Variants in GPATCH2 observed in about 807,000 individuals in gnomAD.
The protein encoded by GPATCH2 is G patch domain-containing protein 2.
A neutral mutation model predicts 58.0 loss-of-function variants in GPATCH2; 51 were observed. That is an observed-to-expected ratio of 0.88 (90% CI 0.70 to 1.11). The LOEUF (loss-of-function observed/expected upper bound fraction) is 1.11. GPATCH2 is among the 50% of genes most tolerant of loss of function. The probability of loss-of-function intolerance (pLI) is 0.00; values close to 1 mark genes in which losing one functional copy is unlikely to be tolerated. For synonymous variants in GPATCH2, 222 were observed against 218.5 expected (o/e 1.02, Z -0.14); for missense variants, 625 against 652.2 (o/e 0.96, Z 0.45).
chr1:217,605,355 G>A (rs1485027951), intron 5 of GPATCH2, among the ~76,000 whole-genome samples: 1 of 152,124 alleles, frequency 6.6e-6, no homozygotes, highest in Non-Finnish European at 1.5e-5. Context: ...AAGAGCTAAT[G>A]TTCACATTTT....
intron 5 of GPATCH2, among the ~76,000 whole-genome samples, chr1:217,575,159 A>C (rs1337739105): frequency 6.6e-6 from 1 of 152,198 alleles, no homozygotes; most frequent in Non-Finnish European, 1.5e-5. Flanking sequence ...GTCTTGCCTA[A>C]AGTCACAATG....
intron 5 of GPATCH2, among the ~76,000 whole-genome samples, chr1:217,533,299 C>G (rs910535989): frequency 2.6e-5 from 4 of 152,192 alleles, no homozygotes; most frequent in African/African-American, 9.6e-5. Context: ...CGGATTATAT[C>G]TATTGATATT....
chr1:217,569,105 A>G (rs909102834), intron 5 of GPATCH2, among the ~76,000 whole-genome samples: 2 of 152,052 alleles, frequency 1.3e-5, no homozygotes, highest in Non-Finnish European at 2.9e-5. Flanking sequence ...CTAAAAAGAC[A>G]ATAGTGATAT....
At chr1:217,486,370 G>A (rs1661453757) in intron 8 of GPATCH2, among the ~76,000 whole-genome samples, 1 of 151,942 alleles carries the variant, frequency 6.6e-6, no homozygotes, top group Non-Finnish European at 1.5e-5. Flanking sequence ...TTTTTCTTTT[G>A]AAAAGGCTGT....
intron 5 of GPATCH2, among the ~76,000 whole-genome samples, chr1:217,591,776 AAAAG>A (rs1386344441): frequency 6.6e-6 from 1 of 152,110 alleles, no homozygotes; most frequent in Non-Finnish European, 1.5e-5. Context: ...TCAGTATTTT[AAAAG>A]AAAGGCATAA....
intron 5 of GPATCH2, among the ~76,000 whole-genome samples, chr1:217,586,860 C>T (rs1667363798): frequency 6.6e-6 from 1 of 152,140 alleles, no homozygotes; most frequent in Admixed American, 6.5e-5. Flanking sequence ...ATTGTAGAAA[C>T]AGTTCATTCT....
intron 5 of GPATCH2, among the ~76,000 whole-genome samples, chr1:217,545,788 T>C (rs1032701190): frequency 3.3e-5 from 5 of 152,136 alleles, no homozygotes; most frequent in African/African-American, 4.8e-5. Context: ...ACATAAAGGG[T>C]TTTATAAACT....
intron 8 of GPATCH2, 32 bp downstream of exon 8, chr1:217,491,648 G>T (rs767028329): frequency 1.1e-4 from 110 of 1,047,542 alleles, no homozygotes; most frequent in Non-Finnish European, 1.5e-4. Flanking sequence ...AAAAGAAAAT[G>T]AATGAATAAA....
intron 5 of GPATCH2, among the ~76,000 whole-genome samples, chr1:217,571,967 A>C (rs1666577282): frequency 7.0e-6 from 1 of 143,444 alleles, no homozygotes; most frequent in Admixed American, 7.0e-5. Flanking sequence ...GAAGGAAGGA[A>C]GGAAAGAAAG....
intron 3 of GPATCH2, among the ~76,000 whole-genome samples, chr1:217,612,777 GA>G (rs1384473974): frequency 6.6e-6 from 1 of 152,116 alleles, no homozygotes; most frequent in East Asian, 1.9e-4. Context: ...AACTTGCTCT[GA>G]AATCAGACAG....
chr1:217,549,643 C>T (rs1475161195), intron 5 of GPATCH2, among the ~76,000 whole-genome samples: 1 of 152,126 alleles, frequency 6.6e-6, no homozygotes, highest in African/African-American at 2.4e-5. Context: ...ATTCAACAAG[C>T]ATTTGCTGAT....
intron 5 of GPATCH2, among the ~76,000 whole-genome samples, chr1:217,532,840 C>A (rs534341109): frequency 6.6e-6 from 1 of 151,200 alleles, no homozygotes; most frequent in African/African-American, 2.4e-5. Context: ...AGAAGAGGGT[C>A]CCACTGGTCT....
chr1:217,522,604 T>C (rs1393652728), intron 5 of GPATCH2, among the ~76,000 whole-genome samples: 1 of 152,210 alleles, frequency 6.6e-6, no homozygotes, highest in African/African-American at 2.4e-5. Context: ...AGATCTTCTT[T>C]TATGAATAAA....
chr1:217,533,292 A>G (rs1242086818), intron 5 of GPATCH2, among the ~76,000 whole-genome samples: 2 of 152,124 alleles, frequency 1.3e-5, no homozygotes, highest in Non-Finnish European at 2.9e-5. Context: ...GTTTATGCGG[A>G]TTATATCTAT....
intron 1 of GPATCH2, among the ~76,000 whole-genome samples, chr1:217,622,612 C>G (rs2102847202): frequency 6.6e-6 from 1 of 152,302 alleles, no homozygotes; most frequent in South Asian, 2.1e-4. Context: ...GGCATGATCT[C>G]GGCTCACTGC....
chr1:217,431,935 A>C (rs756962931), intron 9 of GPATCH2, among the ~76,000 whole-genome samples: 2 of 152,124 alleles, frequency 1.3e-5, no homozygotes, highest in Non-Finnish European at 2.9e-5. Context: ...TTTATTATTC[A>C]GTCTGTAACA....
At chr1:217,572,060 T>C (rs1046738254) in intron 5 of GPATCH2, among the ~76,000 whole-genome samples, 1 of 149,732 alleles carries the variant, frequency 6.7e-6, no homozygotes, top group Non-Finnish European at 1.5e-5. Flanking sequence ...GGGAGAGAAA[T>C]TAGGTGATCT....
intron 9 of GPATCH2, among the ~76,000 whole-genome samples, chr1:217,447,085 G>T (rs1659426643): frequency 6.6e-6 from 1 of 152,158 alleles, no homozygotes; most frequent in Non-Finnish European, 1.5e-5. Flanking sequence ...CAACTGGAAT[G>T]CAGATGTTAA....
chr1:217,610,419 C>G lies in GPATCH2; in HGVS notation c.1019-19G>C, dbSNP rs781325674. 1 of 1,446,922 alleles carries G rather than the reference C, an allele frequency of 6.9e-7. No homozygotes were observed. The highest frequency in any genetic ancestry group is 1.2e-5 in the South Asian group (1 of 85,520). The allele number at this position is 1,446,922 out of a possible 1,614,324, so 89.6% of individuals were successfully genotyped here. ...TGGAAACCTGTAAAATCAAAGTACT[C>G]AATTTAGAAGTTTTCTATGATCACT... On this transcript the variant is annotated intron_variant, in intron 4 of 9. Coordinates refer to ENST00000366935, the MANE Select transcript of GPATCH2 (RefSeq NM_018040.5).
Sources: gnomAD v4.1 joint callset for allele counts (sites outside exome capture counted in the v4.1 genomes callset) on GRCh38, gnomAD v4.1.1 for gene constraint, MANE v1.5 for transcripts, NCBI Gene and HGNC (gene_info 2026-07-23, HGNC 2026-07-21) for gene names.